RUFY2: variants seen among roughly 807,000 people sequenced by gnomAD.
RUFY2 encodes RUN and FYVE domain-containing protein 2.
In RUFY2, 49 loss-of-function variants were observed where a neutral mutation model predicts 94.4. The ratio of observed to expected loss-of-function variants is 0.52; its 90% CI spans 0.41 to 0.66. The LOEUF (loss-of-function observed/expected upper bound fraction) is 0.66, where lower values mean the gene tolerates loss of function less well. Ranked by LOEUF, RUFY2 falls within the 30% of genes least tolerant of loss-of-function variation. The pLI, the probability that RUFY2 is intolerant of heterozygous loss-of-function variation, is 0.00. For synonymous variants in RUFY2, 255 were observed against 235.7 expected (o/e 1.08, Z -0.75); for missense variants, 541 against 692.8 (o/e 0.78, Z 2.46).
Position 68,379,434 on chromosome 10 carries a change from G to T in RUFY2, c.1195C>A (p.Leu399Met). ...CTGGAAATGCTGTACCTTTGTTCCA[G>T]CTGCCTCATGGCTGCAGTAATTTTA... ...TNKITAAMRQ[L>M]EQRLQQAEKA... Residue 399 changes from leucine to methionine, a missense_variant, in exon 12 of 18, where the codon CTG (leucine) becomes ATG (methionine). Around this residue, in one of 3 missense-constraint regions of RUFY2, gnomAD observed 403 missense variants for 480.7 expected, o/e 0.84. Transcript: ENST00000602465. The T allele has an allele frequency of 6.2e-7, 1 of 1,604,632 alleles. No homozygotes were observed. The highest frequency in any genetic ancestry group is 2.2e-5 in the East Asian group (1 of 44,664).
chr10:68,403,773 G>C (rs1342403769), intron 2 of RUFY2, among the ~76,000 whole-genome samples: 1 of 150,386 alleles, frequency 6.6e-6, no homozygotes. Flanking sequence ...TTAAAACAAA[G>C]TTTAGGTAAA....
intron 10 of RUFY2, 68 bp downstream of exon 10, chr10:68,383,730 A>C: frequency 9.2e-7 from 1 of 1,085,114 alleles, no homozygotes; most frequent in Non-Finnish European, 1.4e-6. Context: ...AAGATTTTAA[A>C]TGGTGCTTGC....
chr10:68,397,044 C>A (rs148538853), intron 3 of RUFY2, among the ~76,000 whole-genome samples, 163 bp from the exon 4 acceptor site: 1 of 152,302 alleles, frequency 6.6e-6, no homozygotes, highest in East Asian at 1.9e-4. Context: ...TCCCTGAGAG[C>A]TGGGTAAATC....
At chr10:68,379,609 G>A (rs2048895774) in intron 11 of RUFY2, 88 bp from the exon 12 acceptor site, 2 of 865,380 alleles carry the variant, frequency 2.3e-6, no homozygotes, top group South Asian at 3.3e-5. Flanking sequence ...AATAGATAGG[G>A]TATCACTATG....
At chr10:68,370,731 C>T (rs1162018002) in intron 13 of RUFY2, among the ~76,000 whole-genome samples, 1 of 151,968 alleles carries the variant, frequency 6.6e-6, no homozygotes, top group African/African-American at 2.4e-5. Context: ...AATAATCTTA[C>T]TGAAATGGCT....
chr10:68,365,984 T>A (rs1030013416), intron 13 of RUFY2, among the ~76,000 whole-genome samples: 1 of 152,120 alleles, frequency 6.6e-6, no homozygotes, highest in Non-Finnish European at 1.5e-5. Flanking sequence ...TATATAAATA[T>A]ATTGTAAGAA....
chr10:68,398,533 T>A (rs1338595630), intron 3 of RUFY2, among the ~76,000 whole-genome samples: 1 of 152,038 alleles, frequency 6.6e-6, no homozygotes, highest in African/African-American at 2.4e-5. Context: ...GAGCCCGTAA[T>A]CCCAGCTACT....
rs185919383 is a variant in RUFY2 at position 68,356,956 on chromosome 10, G to C, written c.1551-1555C>G. Among the ~76,000 whole-genome samples the C allele has an allele frequency of 7.9e-3, 1,202 of 151,378 alleles. 27 individuals are homozygous for C. The highest frequency in any genetic ancestry group is 0.028 in the African/African-American group (1,161 of 41,378). On this transcript the variant is annotated intron_variant, in intron 15 of 17. Coordinates refer to ENST00000602465, the MANE Select transcript of RUFY2 (RefSeq NM_001330103.2). Reference sequence around the variant, plus strand: ...GAGCAGACCGCCTGAGGTCAGGAAGGAGTTCAAGACCAGCCTGGCCAACAT... The same window carrying C: ...GAGCAGACCGCCTGAGGTCAGGAAGCAGTTCAAGACCAGCCTGGCCAACAT...
At chr10:68,392,432 T>C (rs776234665) in intron 7 of RUFY2, among the ~76,000 whole-genome samples, 10 of 152,146 alleles carry the variant, frequency 6.6e-5, no homozygotes, top group Non-Finnish European at 1.2e-4. Flanking sequence ...AATGACCAGT[T>C]GACAATGTAA....
Position 68,381,414 on chromosome 10 carries a change from T to C in RUFY2, c.940-15A>G. 1 of 1,601,374 alleles carries C rather than the reference T, an allele frequency of 6.2e-7. No homozygotes were observed. The highest frequency in any genetic ancestry group is 8.5e-7 in the Non-Finnish European group (1 of 1,175,096). On this transcript the variant is annotated splice_polypyrimidine_tract_variant and intron_variant, in intron 10 of 17. Transcript: ENST00000602465. ...TTCTCTACATCCTGCAATTTCAATG[T>C]ATCCTCAATTCACATGCCACTTCAG...
chr10:68,380,109 T>C (rs1354219701), intron 11 of RUFY2, among the ~76,000 whole-genome samples: 1 of 109,194 alleles, frequency 9.2e-6, no homozygotes, highest in Non-Finnish European at 1.9e-5. Flanking sequence ...CACACGGCCC[T>C]TTTTTTTTTT....
chr10:68,355,691 G>A (rs1057446958), intron 15 of RUFY2: 22 of 209,768 alleles, frequency 1.0e-4, no homozygotes, highest in Admixed American at 9.1e-4. Context: ...GAGGCCCGCG[G>A]ATCACGAGGT....
chr10:68,362,311 T>G (rs979227866), intron 15 of RUFY2, among the ~76,000 whole-genome samples: 1 of 152,110 alleles, frequency 6.6e-6, no homozygotes, highest in Non-Finnish European at 1.5e-5. Context: ...CTGGGCAACT[T>G]GAGAGCAAGA....
chr10:68,399,963 A>G (rs1279590620), intron 3 of RUFY2, among the ~76,000 whole-genome samples: 1 of 152,030 alleles, frequency 6.6e-6, no homozygotes, highest in Non-Finnish European at 1.5e-5. Flanking sequence ...TATTTTTAGT[A>G]AAGACAGGCT....
At chr10:68,342,982 T>C (rs1287107256), downstream of RUFY2, 2 of 152,222 alleles carry the variant, frequency 1.3e-5, no homozygotes, top group Non-Finnish European at 2.9e-5. Context: ...AGTTGGGTTT[T>C]GTATCTGATC....
At chr10:68,347,061 G>A (rs1230784237) in intron 16 of RUFY2, among the ~76,000 whole-genome samples, 2 of 151,976 alleles carry the variant, frequency 1.3e-5, no homozygotes, top group African/African-American at 2.4e-5. Flanking sequence ...TGAGGCTGCA[G>A]TGAACTATGA....
At chr10:68,376,489 T>TATAATATATATATATATATATACATATTC in intron 13 of RUFY2, among the ~76,000 whole-genome samples, 1 of 51,840 alleles carries the variant, frequency 1.9e-5, no homozygotes, top group East Asian at 8.3e-4. Flanking sequence ...TATATATATA[T>TATAATATATATATATATATATACATATTC]ATTCTCAGAA....
chr10:68,364,328 A>G (rs915808551), intron 13 of RUFY2, among the ~76,000 whole-genome samples: 1 of 152,214 alleles, frequency 6.6e-6, no homozygotes, highest in African/African-American at 2.4e-5. Flanking sequence ...CCACGAAAAA[A>G]TCCTTGCTAA....
At chr10:68,396,564 G>C (rs938263087) in intron 4 of RUFY2, among the ~76,000 whole-genome samples, 2 of 152,044 alleles carry the variant, frequency 1.3e-5, no homozygotes, top group Admixed American at 6.6e-5. Context: ...TCCCCATCCT[G>C]GCTGATAACA....
Sources: gnomAD v4.1 joint callset for allele counts (sites outside exome capture counted in the v4.1 genomes callset) on GRCh38, gnomAD v4.1.1 for gene constraint, gnomAD v4.1.1 regional missense constraint, MANE v1.5 for transcripts, NCBI Gene and HGNC (gene_info 2026-07-23, HGNC 2026-07-21) for gene names.